Variants in ALK observed in about 807,000 individuals in gnomAD.
ALK encodes the protein ALK tyrosine kinase receptor.
A neutral mutation model predicts 163.1 loss-of-function variants in ALK; 74 were observed. The observed-to-expected ratio is 0.45, with a 90% CI of 0.38 to 0.55. ALK has a LOEUF of 0.55. ALK is among the 20% of genes least tolerant of loss of function. ALK has a pLI of 0.00. For missense variants in ALK, 2,063 were observed against 2,105.3 expected (o/e 0.98, Z 0.39); for synonymous variants, 960 against 843.2 (o/e 1.14, Z -2.40).
chr2:29,302,246 G>T (rs886642789), intron 8 of ALK, among the ~76,000 whole-genome samples: 1 of 152,194 alleles, frequency 6.6e-6, no homozygotes, highest in African/African-American at 2.4e-5. Context: ...GGCCGGGTGC[G>T]GTGGCTCACG....
chr2:29,831,883 G>A (rs1246535520), intron 1 of ALK, among the ~76,000 whole-genome samples: 1 of 152,196 alleles, frequency 6.6e-6, no homozygotes, highest in African/African-American at 2.4e-5. Context: ...AATATCTCCT[G>A]AATAGGCGAA....
intron 3 of ALK, among the ~76,000 whole-genome samples, chr2:29,554,742 C>G (rs1049809251): frequency 6.6e-6 from 1 of 152,128 alleles, no homozygotes; most frequent in African/African-American, 2.4e-5. Flanking sequence ...GCTGCATTCC[C>G]AGACAGTTCA....
chr2:29,775,710 A>G (rs1167702093), intron 1 of ALK, among the ~76,000 whole-genome samples: 1 of 152,272 alleles, frequency 6.6e-6, no homozygotes, highest in East Asian at 1.9e-4. Context: ...AAGTTACTTA[A>G]TCTGTAAAAT....
intron 1 of ALK, among the ~76,000 whole-genome samples, chr2:29,823,864 A>AT (rs1367725295): frequency 6.6e-6 from 1 of 152,234 alleles, no homozygotes; most frequent in Non-Finnish European, 1.5e-5. Flanking sequence ...AGAAATTTGC[A>AT]TAAGTAATAA....
intron 5 of ALK, among the ~76,000 whole-genome samples, chr2:29,361,784 G>C (rs913513223): frequency 6.6e-6 from 1 of 152,154 alleles, no homozygotes; most frequent in African/African-American, 2.4e-5. Flanking sequence ...GTATATTGTG[G>C]CCTATATCTA....
At chr2:29,756,994 A>G (rs1680554806) in intron 1 of ALK, among the ~76,000 whole-genome samples, 1 of 152,200 alleles carries the variant, frequency 6.6e-6, no homozygotes, top group African/African-American at 2.4e-5. Context: ...TGCTGTGATG[A>G]CAGAGGAAAG....
chr2:29,548,448 G>A (rs1333034649), intron 3 of ALK, among the ~76,000 whole-genome samples: 1 of 151,800 alleles, frequency 6.6e-6, no homozygotes, highest in Non-Finnish European at 1.5e-5. Context: ...ACTCCAGCAT[G>A]GGCGACAGAG....
intron 3 of ALK, among the ~76,000 whole-genome samples, chr2:29,618,383 T>C (rs1381567600): frequency 1.3e-5 from 2 of 152,160 alleles, no homozygotes; most frequent in Non-Finnish European, 2.9e-5. Context: ...AACTCGGTGC[T>C]ACCTTCAAGT....
intron 1 of ALK, among the ~76,000 whole-genome samples, chr2:29,757,874 T>C (rs2148335040): frequency 6.6e-6 from 1 of 152,236 alleles, no homozygotes; most frequent in Non-Finnish European, 1.5e-5. Flanking sequence ...CCAGCTGCAG[T>C]TTCTGACCCC....
rs538961605 is a variant in ALK, at chr2:29,649,199, A to T, written c.952+45651T>A. On this transcript the variant is annotated intron_variant, in intron 3 of 28. Coordinates refer to ENST00000389048, the MANE Select transcript of ALK (RefSeq NM_004304.5). Reference sequence around the variant, plus strand: ...TCTGAGGTTACAATGTGTGTGTGTGAGAGAGAGTGTGTGTATGTGAGAGAG... The same window carrying T: ...TCTGAGGTTACAATGTGTGTGTGTGTGAGAGAGTGTGTGTATGTGAGAGAG... Among the ~76,000 whole-genome samples, 102 of 147,686 alleles carry T rather than the reference A, an allele frequency of 6.9e-4. 1 individual carries two copies. The South Asian group carries it at 0.021, about 30-fold the overall frequency.
At chr2:29,557,685 T>C (rs1289390601) in intron 3 of ALK, among the ~76,000 whole-genome samples, 2 of 152,074 alleles carry the variant, frequency 1.3e-5, no homozygotes, top group Non-Finnish European at 2.9e-5. Context: ...GGGGGATGTA[T>C]AAAGTGGTAT....
intron 3 of ALK, among the ~76,000 whole-genome samples, chr2:29,596,995 G>A (rs764630303): frequency 3.3e-5 from 5 of 152,158 alleles, no homozygotes; most frequent in Admixed American, 1.3e-4. Context: ...TTCTAGTCTC[G>A]GCTGCTGGGT....
At chr2:29,677,262 TCCCC>T (rs1558437752) in intron 3 of ALK, among the ~76,000 whole-genome samples, 2 of 23,730 alleles carry the variant, frequency 8.4e-5, no homozygotes, top group African/African-American at 1.5e-4. Flanking sequence ...TCCCCTCCCC[TCCCC>T]TCCCCTCCCA....
intron 1 of ALK, among the ~76,000 whole-genome samples, chr2:29,735,377 T>A (rs1679861752): frequency 6.6e-6 from 1 of 152,146 alleles, no homozygotes; most frequent in Non-Finnish European, 1.5e-5. Context: ...CAGCCTTCAG[T>A]GATTTTATAA....
At chr2:29,844,537 C>A (rs1471070928) in intron 1 of ALK, among the ~76,000 whole-genome samples, 1 of 152,126 alleles carries the variant, frequency 6.6e-6, no homozygotes, top group Non-Finnish European at 1.5e-5. Flanking sequence ...TTACTTGAAT[C>A]TCCATTTGTG....
chr2:29,849,475 C>T (rs948706361), intron 1 of ALK, among the ~76,000 whole-genome samples: 1 of 152,178 alleles, frequency 6.6e-6, no homozygotes, highest in African/African-American at 2.4e-5. Context: ...GGCCTAAGTG[C>T]TCGGCCAAAT....
chr2:29,826,749 C>T (rs1665213948), intron 1 of ALK, among the ~76,000 whole-genome samples: 1 of 152,210 alleles, frequency 6.6e-6, no homozygotes, highest in African/African-American at 2.4e-5. Flanking sequence ...AGCTATCTTC[C>T]ACTCTTCCTT....
intron 3 of ALK, among the ~76,000 whole-genome samples, chr2:29,565,395 T>G (rs1020619726): frequency 6.6e-6 from 1 of 152,178 alleles, no homozygotes; most frequent in African/African-American, 2.4e-5. Flanking sequence ...CCCTGCTTAG[T>G]GTTTAGCAAG....
At chr2:29,879,335 AGT>A (rs1434705134) in intron 1 of ALK, among the ~76,000 whole-genome samples, 1 of 152,258 alleles carries the variant, frequency 6.6e-6, no homozygotes, top group East Asian at 1.9e-4. Context: ...TCAGGTAAGC[AGT>A]GTGCAACTAT....
Sources: gnomAD v4.1 joint callset for allele counts (sites outside exome capture counted in the v4.1 genomes callset) on GRCh38, gnomAD v4.1.1 for gene constraint, MANE v1.5 for transcripts, NCBI Gene and HGNC (gene_info 2026-07-23, HGNC 2026-07-21) for gene names.